The following KIAA1328 variants were observed in gnomAD, a reference collection of about 807,000 sequenced individuals.
The protein encoded by KIAA1328 is KIAA1328, also known as protein hinderin.
In KIAA1328, 52 loss-of-function variants were observed where a neutral mutation model predicts 68.1. The observed-to-expected ratio is 0.76, with a 90% CI of 0.61 to 0.96. The LOEUF is 0.96. Ranked by LOEUF, KIAA1328 falls within the 40% of genes least tolerant of loss-of-function variation. The pLI, the probability that KIAA1328 is intolerant of heterozygous loss-of-function variation, is 0.00. For synonymous variants in KIAA1328, 232 were observed against 239.4 expected (o/e 0.97, Z 0.28); for missense variants, 641 against 677.6 (o/e 0.95, Z 0.60).
intron 6 of KIAA1328, among the ~76,000 whole-genome samples, chr18:37,054,451 T>C (rs2151679899): frequency 6.6e-6 from 1 of 152,312 alleles, no homozygotes; most frequent in African/African-American, 2.4e-5. Context: ...GAAAAGTTGG[T>C]ATAGATACAC....
At chr18:36,842,723 T>C (rs1380895178) in intron 3 of KIAA1328, among the ~76,000 whole-genome samples, 1 of 151,920 alleles carries the variant, frequency 6.6e-6, no homozygotes, top group East Asian at 1.9e-4. Flanking sequence ...GTTCTTTTAC[T>C]CAGCACATCA....
At chr18:37,182,345 G>A (rs2059713985) in intron 9 of KIAA1328, among the ~76,000 whole-genome samples, 1 of 152,140 alleles carries the variant, frequency 6.6e-6, no homozygotes, top group Non-Finnish European at 1.5e-5. Flanking sequence ...ACAATTAAGA[G>A]CCCAGGTGTA....
chr18:36,842,166 A>G (rs1319199013), intron 3 of KIAA1328, among the ~76,000 whole-genome samples: 1 of 152,212 alleles, frequency 6.6e-6, no homozygotes, highest in African/African-American at 2.4e-5. Flanking sequence ...AGAGGGCAGA[A>G]TAAGTCGGAA....
chr18:37,165,405 A>T (rs1010206879), intron 8 of KIAA1328, among the ~76,000 whole-genome samples: 4 of 150,890 alleles, frequency 2.7e-5, no homozygotes. Context: ...TTTTATTTTT[A>T]TTTATTTATT....
chr18:37,147,035 C>T (rs1036525553), intron 7 of KIAA1328, among the ~76,000 whole-genome samples: 1 of 152,070 alleles, frequency 6.6e-6, no homozygotes, highest in East Asian at 1.9e-4. Flanking sequence ...ACATCTCACC[C>T]CTCTCCTTCC....
At chr18:37,071,085 G>C (rs1395449465) in intron 7 of KIAA1328, among the ~76,000 whole-genome samples, 4 of 23,958 alleles carry the variant, frequency 1.7e-4, no homozygotes, top group African/African-American at 5.2e-4. Flanking sequence ...TTTTTTTTTT[G>C]GTTTGACAGG....
At chr18:36,837,148 G>GT (rs549354857) in intron 3 of KIAA1328, among the ~76,000 whole-genome samples, 3 of 152,098 alleles carry the variant, frequency 2.0e-5, no homozygotes, top group Non-Finnish European at 4.4e-5. Context: ...GTAGTTTTAT[G>GT]TTTAACCTTT....
At chr18:37,200,450 A>T (rs1037903828) in intron 9 of KIAA1328, among the ~76,000 whole-genome samples, 1 of 152,148 alleles carries the variant, frequency 6.6e-6, no homozygotes, top group Non-Finnish European at 1.5e-5. Context: ...GCTTTAAGAG[A>T]TGATTATTTA....
At chr18:37,053,397 A>T (rs1372971839) in intron 6 of KIAA1328, among the ~76,000 whole-genome samples, 1 of 152,222 alleles carries the variant, frequency 6.6e-6, no homozygotes, top group Non-Finnish European at 1.5e-5. Flanking sequence ...AAGAAAATAT[A>T]GGAAAAACAC....
At chr18:37,039,069 G>A (rs1290069822) in intron 6 of KIAA1328, among the ~76,000 whole-genome samples, 2 of 152,032 alleles carry the variant, frequency 1.3e-5, no homozygotes, top group African/African-American at 4.8e-5. Context: ...AACCTCACTT[G>A]ATCATTGTAT....
At chr18:37,190,847 T>C (rs2059891841) in intron 9 of KIAA1328, among the ~76,000 whole-genome samples, 1 of 152,220 alleles carries the variant, frequency 6.6e-6, no homozygotes, top group Non-Finnish European at 1.5e-5. Context: ...TCAAATTCAC[T>C]CCTTCCTAGT....
At chr18:37,053,693 G>T (rs1467350155) in intron 6 of KIAA1328, among the ~76,000 whole-genome samples, 1 of 151,992 alleles carries the variant, frequency 6.6e-6, no homozygotes, top group African/African-American at 2.4e-5. Context: ...ATGGTGGGAG[G>T]GAAAGCAAAC....
rs2056542252 is a variant in KIAA1328 at position 37,071,755 on chromosome 18, T to C, written c.1232+4210T>C. ...TCTTTGAATAGATTTGTTTTATTGG[T>C]TGCTCTAAGTATTCTGTTAAACACA... is the stretch of plus-strand genomic sequence containing the variant. On this transcript the variant is annotated intron_variant, in intron 7 of 9. Transcript: ENST00000280020. 3.9e-5 allele frequency among the ~76,000 whole-genome samples: 6 copies of C among 152,318 alleles called. No homozygotes were observed. The South Asian group carries it at 1.2e-3, about 32-fold the overall frequency.
chr18:36,890,818 C>T (rs1261235088), intron 5 of KIAA1328, among the ~76,000 whole-genome samples: 1 of 152,114 alleles, frequency 6.6e-6, no homozygotes. Flanking sequence ...CAGATATTCT[C>T]CTAGTTCATA....
intron 5 of KIAA1328, among the ~76,000 whole-genome samples, chr18:36,927,995 T>C (rs1870495510): frequency 2.0e-5 from 3 of 152,184 alleles, no homozygotes; most frequent in South Asian, 2.1e-4. Context: ...TATATAATAC[T>C]TAAAGCCCAG....
At chr18:37,050,676 A>G (rs1308028455) in intron 6 of KIAA1328, among the ~76,000 whole-genome samples, 2 of 152,224 alleles carry the variant, frequency 1.3e-5, no homozygotes, top group Admixed American at 6.5e-5. Flanking sequence ...GTCTTCTTCA[A>G]CTTTCAGTTG....
In KIAA1328 at chr18:36,971,320, G is replaced by A. The variant is rs1368534682; in HGVS notation, c.576+11885G>A. On this transcript the variant is annotated intron_variant, in intron 6 of 9. Coordinates refer to ENST00000280020, the MANE Select transcript of KIAA1328 (RefSeq NM_020776.3). ...TTCAAGATGAATTAAAGACTTAAAC[G>A]TAAGACCTAAAACCATAAAAACCCT... Among the ~76,000 whole-genome samples the A allele has an allele frequency of 2.6e-5, 4 of 152,226 alleles. No individual in the cohort carries two copies. The South Asian group carries it at 6.2e-4, about 24-fold the overall frequency.
At chr18:36,863,174 A>G (rs1233784381) in intron 4 of KIAA1328, among the ~76,000 whole-genome samples, 1 of 151,734 alleles carries the variant, frequency 6.6e-6, no homozygotes, top group East Asian at 1.9e-4. Flanking sequence ...AACTAGGTCC[A>G]GTTTTTCAGT....
intron 6 of KIAA1328, among the ~76,000 whole-genome samples, chr18:36,992,631 A>G (rs929168353): frequency 6.6e-6 from 1 of 152,088 alleles, no homozygotes; most frequent in Non-Finnish European, 1.5e-5. Context: ...ATCAGTATGT[A>G]ATTGAGCATT....
Sources: allele counts gnomAD v4.1 joint callset (sites outside exome capture counted in the v4.1 genomes callset), GRCh38; gene constraint gnomAD v4.1.1; transcripts MANE v1.5; gene names NCBI Gene and HGNC (gene_info 2026-07-23, HGNC 2026-07-21).